Variants in COL25A1 observed in about 807,000 individuals in gnomAD.
The protein encoded by COL25A1 is collagen type XXV alpha 1 chain.
Under a neutral mutation model 128.4 loss-of-function variants are expected in COL25A1, and 103 were observed. The observed-to-expected ratio is 0.80, with a 90% CI of 0.68 to 0.94. The LOEUF (loss-of-function observed/expected upper bound fraction) is 0.94, where lower values mean the gene tolerates loss of function less well. Ranked by LOEUF, COL25A1 falls within the 40% of genes least tolerant of loss-of-function variation. The pLI is 0.00. For synonymous variants in COL25A1, 279 were observed against 277.2 expected (o/e 1.01, Z -0.06); for missense variants, 745 against 840.0 (o/e 0.89, Z 1.40).
At chr4:108,872,215 A>G (rs1440093753) in intron 19 of COL25A1, among the ~76,000 whole-genome samples, 1 of 152,152 alleles carries the variant, frequency 6.6e-6, no homozygotes, top group African/African-American at 2.4e-5. Flanking sequence ...CAGGAGTTTG[A>G]GACCAGCCTG....
In COL25A1 at chr4:108,815,036, T is replaced by C. The variant is rs916659801; in HGVS notation, c.1963-1107A>G. On this transcript the variant is annotated intron_variant, in intron 37 of 37. Transcript: ENST00000399132. The stretch of plus-strand genomic sequence containing the variant: ...TGCCTGTCATGCCAATGCCAAAAAA[T>C]GTGTCTATAGGAAGCACTCCTTTTT... 1.3e-5 allele frequency among the ~76,000 whole-genome samples: 2 copies of C among 152,198 alleles called. 1 individual carries two copies. The highest frequency in any genetic ancestry group is 4.1e-4 in the South Asian group (2 of 4,834).
intron 3 of COL25A1, among the ~76,000 whole-genome samples, chr4:109,126,318 A>G (rs1768607063): frequency 6.6e-6 from 1 of 152,166 alleles, no homozygotes; most frequent in South Asian, 2.1e-4. Context: ...CGAGACTTTC[A>G]AGGAATAAGA....
chr4:108,983,925 G>T (rs959789493), intron 6 of COL25A1, among the ~76,000 whole-genome samples: 3 of 152,130 alleles, frequency 2.0e-5, no homozygotes, highest in African/African-American at 7.2e-5. Flanking sequence ...TGTGGAAGGG[G>T]ACCCAAGCGG....
chr4:109,194,982 C>T (rs765790318), intron 3 of COL25A1, among the ~76,000 whole-genome samples: 6 of 152,074 alleles, frequency 3.9e-5, no homozygotes, highest in African/African-American at 7.2e-5. Context: ...TTATTTACAA[C>T]TCAACGGATA....
intron 8 of COL25A1, among the ~76,000 whole-genome samples, chr4:108,974,119 T>C (rs1321095604): frequency 2.6e-5 from 4 of 152,344 alleles, no homozygotes; most frequent in South Asian, 2.1e-4. Context: ...TAGAAGTGAT[T>C]CTGGCCCTTA....
intron 3 of COL25A1, among the ~76,000 whole-genome samples, chr4:109,059,085 G>A (rs1418765309): frequency 6.6e-6 from 1 of 152,148 alleles, no homozygotes; most frequent in Non-Finnish European, 1.5e-5. Context: ...ATGAGCCCCT[G>A]TATCATGTGG....
chr4:109,102,728 G>A (rs760183378), intron 3 of COL25A1, among the ~76,000 whole-genome samples: 32 of 152,008 alleles, frequency 2.1e-4, no homozygotes, highest in Non-Finnish European at 4.3e-4. Flanking sequence ...TTGATGAAAT[G>A]ACCCATTTGT....
At chr4:109,192,214 T>C (rs1198253242) in intron 3 of COL25A1, among the ~76,000 whole-genome samples, 1 of 152,180 alleles carries the variant, frequency 6.6e-6, no homozygotes, top group East Asian at 1.9e-4. Flanking sequence ...TGACCATATA[T>C]GTTAAGCTAA....
At chr4:108,912,830 T>C (rs1333382385) in intron 13 of COL25A1, among the ~76,000 whole-genome samples, 2 of 152,150 alleles carry the variant, frequency 1.3e-5, no homozygotes, top group Non-Finnish European at 2.9e-5. Flanking sequence ...AAATATGCTG[T>C]GAAGATTAAT....
chr4:108,924,033 T>C (rs995539982), intron 11 of COL25A1, among the ~76,000 whole-genome samples: 2 of 152,214 alleles, frequency 1.3e-5, no homozygotes, highest in Admixed American at 6.5e-5. Flanking sequence ...AATCTCAACA[T>C]ATTGAGCTAT....
chr4:109,205,381 C>T (rs1776891000), intron 3 of COL25A1, among the ~76,000 whole-genome samples: 1 of 152,160 alleles, frequency 6.6e-6, no homozygotes, highest in African/African-American at 2.4e-5. Flanking sequence ...TTCCCAGCCT[C>T]CCTGAAGCTG....
chr4:108,816,062 T>G (rs1316622198), intron 37 of COL25A1, among the ~76,000 whole-genome samples: 1 of 152,122 alleles, frequency 6.6e-6, no homozygotes, highest in South Asian at 2.1e-4. Flanking sequence ...GGGGTTATGA[T>G]AGTGGAGGGA....
At chr4:109,127,697 C>G (rs536163685) in intron 3 of COL25A1, among the ~76,000 whole-genome samples, 2 of 151,980 alleles carry the variant, frequency 1.3e-5, no homozygotes, top group Non-Finnish European at 2.9e-5. Flanking sequence ...AAACCAAACT[C>G]GAGGGGCTAA....
At chr4:109,273,487 T>G (rs1449264018) in intron 3 of COL25A1, among the ~76,000 whole-genome samples, 1 of 152,160 alleles carries the variant, frequency 6.6e-6, no homozygotes, top group Non-Finnish European at 1.5e-5. Context: ...AGAAAAGTAA[T>G]ATAACCTTTA....
At chr4:108,964,759 TG>T (rs1478738302) in intron 8 of COL25A1, among the ~76,000 whole-genome samples, 5 of 152,186 alleles carry the variant, frequency 3.3e-5, no homozygotes, top group Non-Finnish European at 7.4e-5. Context: ...AACTTTTTAG[TG>T]GGTTGAAGTA....
At chr4:109,072,068 G>A (rs535518291) in intron 3 of COL25A1, among the ~76,000 whole-genome samples, 1 of 152,260 alleles carries the variant, frequency 6.6e-6, no homozygotes, top group Non-Finnish European at 1.5e-5. Context: ...TTTCATAATA[G>A]GGATTGTTTC....
intron 35 of COL25A1, among the ~76,000 whole-genome samples, chr4:108,822,350 T>C (rs903615097): frequency 3.9e-5 from 6 of 152,164 alleles, no homozygotes; most frequent in Admixed American, 1.3e-4. Context: ...GGCGGTAATA[T>C]GTTTTTGAGT....
intron 6 of COL25A1, among the ~76,000 whole-genome samples, chr4:108,979,374 A>C (rs571745332): frequency 6.6e-5 from 10 of 152,240 alleles, no homozygotes; most frequent in Admixed American, 2.6e-4. Context: ...ATTGAATTTC[A>C]ATCTACATAA....
intron 3 of COL25A1, among the ~76,000 whole-genome samples, chr4:109,095,609 A>G (rs1765327447): frequency 2.0e-5 from 3 of 152,208 alleles, no homozygotes; most frequent in Admixed American, 6.5e-5. Context: ...TGCACAACTC[A>G]TTTGTCCCCT....
Sources: allele counts gnomAD v4.1 joint callset (sites outside exome capture counted in the v4.1 genomes callset), GRCh38; gene constraint gnomAD v4.1.1; transcripts MANE v1.5; gene names NCBI Gene and HGNC (gene_info 2026-07-23, HGNC 2026-07-21).